The following HS3ST4 variants were observed in gnomAD, a reference collection of about 807,000 sequenced individuals.
HS3ST4 encodes heparan sulfate-glucosamine 3-sulfotransferase 4.
Under a neutral mutation model 29.2 loss-of-function variants are expected in HS3ST4, and 17 were observed. The observed-to-expected ratio is 0.58, with a 90% CI of 0.40 to 0.87. HS3ST4 has a LOEUF of 0.87. HS3ST4 is among the 40% of genes least tolerant of loss of function. HS3ST4 has a pLI of 0.00. For missense variants in HS3ST4, 627 were observed against 634.5 expected (o/e 0.99, Z 0.13); for synonymous variants, 314 against 285.7 (o/e 1.10, Z -1.00).
chr16:26,000,201 A>G (rs1428097705), intron 1 of HS3ST4, among the ~76,000 whole-genome samples: 1 of 151,992 alleles, frequency 6.6e-6, no homozygotes, highest in African/African-American at 2.4e-5. Flanking sequence ...AGCCCTGAAC[A>G]ATGAAGGCTT....
chr16:25,866,385 G>C (rs1173967955), intron 1 of HS3ST4, among the ~76,000 whole-genome samples: 1 of 152,092 alleles, frequency 6.6e-6, no homozygotes, highest in African/African-American at 2.4e-5. Flanking sequence ...ATTCACAATA[G>C]GAAAGACTTG....
intron 1 of HS3ST4, among the ~76,000 whole-genome samples, chr16:26,097,820 T>C (rs894119280): frequency 6.6e-6 from 1 of 152,174 alleles, no homozygotes; most frequent in Non-Finnish European, 1.5e-5. Flanking sequence ...GAGAAAATGT[T>C]TGCAATCTAC....
intron 1 of HS3ST4, among the ~76,000 whole-genome samples, chr16:25,967,367 G>A (rs999321359): frequency 6.6e-6 from 1 of 152,086 alleles, no homozygotes; most frequent in East Asian, 1.9e-4. Flanking sequence ...TGTTGGCCAG[G>A]ATGGTCTCAT....
At chr16:25,901,688 G>T (rs1442236283) in intron 1 of HS3ST4, among the ~76,000 whole-genome samples, 1 of 55,104 alleles carries the variant, frequency 1.8e-5, no homozygotes, top group African/African-American at 8.0e-5. Flanking sequence ...GAAAAAAAAT[G>T]CTCTCTCATC....
rs1898294327 is a variant in HS3ST4 at position 26,137,093 on chromosome 16, G to C, written c.*845G>C. On this transcript the variant is annotated 3_prime_UTR_variant, in exon 2 of 2. Transcript: ENST00000331351. ...TCAGAGCTCTGGGGTTGGCAGAGAT[G>C]AGTGGCCATATCTGGGGGTAAAAGA... 1 of 152,124 alleles carries C rather than the reference G, an allele frequency of 6.6e-6. No homozygotes were observed. Among genetic ancestry groups the C allele is most frequent in the Non-Finnish European group, 1.5e-5 (1 of 68,126 alleles). The allele number at this position is 152,124 out of a possible 1,614,324, so 9.4% of individuals were successfully genotyped here. A position where few individuals can be genotyped will look rare whatever the true frequency, so the allele number is the denominator to read the frequency against.
chr16:26,117,701 C>T (rs1899218630), intron 1 of HS3ST4, among the ~76,000 whole-genome samples: 1 of 152,232 alleles, frequency 6.6e-6, no homozygotes, highest in South Asian at 2.1e-4. Context: ...CTGCTTAGCA[C>T]ACCCATCTGC....
rs1042498882 is a variant in HS3ST4 at position 26,109,640 on chromosome 16, A to G, written c.735-25972A>G. 2.0e-5 allele frequency among the ~76,000 whole-genome samples: 3 copies of G among 151,894 alleles called. No individual in the cohort carries two copies. In the South Asian group the frequency reaches 6.2e-4, roughly 32 times the overall value. ...CTTGGATCGTTTCTCATCCCTGTAT[A>G]CACTGCAGTGTACACGGTCTTATAT... On this transcript the variant is annotated intron_variant, in intron 1 of 1. Coordinates refer to ENST00000331351, the MANE Select transcript of HS3ST4 (RefSeq NM_006040.3).
At chr16:26,085,990 CA>C (rs1412081141) in intron 1 of HS3ST4, among the ~76,000 whole-genome samples, 1 of 152,088 alleles carries the variant, frequency 6.6e-6, no homozygotes, top group Non-Finnish European at 1.5e-5. Flanking sequence ...CCAACATGGA[CA>C]CATCAACTCA....
At chr16:26,058,220 A>G (rs536150327) in intron 1 of HS3ST4, among the ~76,000 whole-genome samples, 1 of 152,322 alleles carries the variant, frequency 6.6e-6, no homozygotes, top group South Asian at 2.1e-4. Flanking sequence ...TGTTGGAGAA[A>G]GGGGCTGAGC....
At chr16:26,046,138 A>T (rs931247149) in intron 1 of HS3ST4, among the ~76,000 whole-genome samples, 2 of 148,132 alleles carry the variant, frequency 1.4e-5, no homozygotes, top group African/African-American at 2.5e-5. Context: ...TCATGTAAGG[A>T]CAGGAAATTT....
rs186148536 is a variant in HS3ST4, at chr16:25,837,715, T to A, written c.734+144564T>A. ...AAATGCACTGACAGGTCTCACTCTT[T>A]AAAAAAAAAATCCTGTTGCATATTA... On this transcript the variant is annotated intron_variant, in intron 1 of 1. Transcript: ENST00000331351. 4.5e-3 allele frequency among the ~76,000 whole-genome samples: 678 copies of A among 150,496 alleles called. 4 individuals carry two copies. Among genetic ancestry groups the A allele is most frequent in the African/African-American group, 0.016 (648 of 41,166 alleles).
chr16:26,034,974 C>T (rs1257877891), intron 1 of HS3ST4, among the ~76,000 whole-genome samples: 1 of 152,042 alleles, frequency 6.6e-6, no homozygotes, highest in Non-Finnish European at 1.5e-5. Flanking sequence ...AGAGTGAGAT[C>T]CCATCTGAAA....
chr16:26,009,019 C>T (rs779075467), intron 1 of HS3ST4, among the ~76,000 whole-genome samples: 45 of 152,194 alleles, frequency 3.0e-4, no homozygotes, highest in Admixed American at 1.6e-3. Flanking sequence ...CTCATCAGAG[C>T]GACACAGGCC....
In HS3ST4 at chr16:25,900,126, T is replaced by A. The variant is rs1968107869; in HGVS notation, c.734+206975T>A. On this transcript the variant is annotated intron_variant, in intron 1 of 1. Coordinates refer to ENST00000331351, the MANE Select transcript of HS3ST4 (RefSeq NM_006040.3). ...CATTCCTTACTGGATTTTGTGTAAT[T>A]TTAAGATAGGTGTGTAACGTTTATC... Among the ~76,000 whole-genome samples the A allele has an allele frequency of 2.6e-5, 4 of 152,368 alleles. No individual in the cohort carries two copies. In the South Asian group the frequency reaches 8.3e-4, roughly 32 times the overall value.
intron 1 of HS3ST4, among the ~76,000 whole-genome samples, chr16:26,006,300 GAAAAA>G (rs11461863): frequency 2.2e-4 from 15 of 68,664 alleles, no homozygotes; most frequent in African/African-American, 6.1e-4. Flanking sequence ...CTCTGTTTCA[GAAAAA>G]AAAAAAAAAA....
intron 1 of HS3ST4, among the ~76,000 whole-genome samples, chr16:26,028,268 G>T (rs1162251738): frequency 9.9e-6 from 1 of 100,622 alleles, no homozygotes; most frequent in Admixed American, 1.4e-4. Flanking sequence ...GTGAGACACC[G>T]TCTCAAAAAA....
At chr16:25,792,327 A>G (rs916184764) in intron 1 of HS3ST4, among the ~76,000 whole-genome samples, 1 of 151,930 alleles carries the variant, frequency 6.6e-6, no homozygotes, top group Non-Finnish European at 1.5e-5. Context: ...GATGGGAAAT[A>G]TTCCTGTTAT....
At chr16:25,974,220 T>C (rs1038489819) in intron 1 of HS3ST4, among the ~76,000 whole-genome samples, 2 of 152,238 alleles carry the variant, frequency 1.3e-5, no homozygotes, top group Non-Finnish European at 2.9e-5. Context: ...TTTTATCAGC[T>C]ATCAAGCCAT....
chr16:25,692,676 AC>A lies in HS3ST4; in HGVS notation c.264del (p.Val89CysfsTer61). 2 of 1,247,782 alleles carry A rather than the reference AC, an allele frequency of 1.6e-6. No individual in the cohort carries two copies. The highest frequency in any genetic ancestry group is 2.7e-5 in the South Asian group (1 of 36,744). 77.3% of individuals were successfully genotyped at this position (1,247,782 alleles called of 1,614,324 possible). A position where few individuals can be genotyped will look rare whatever the true frequency, so the allele number is the denominator to read the frequency against. On this transcript the variant is annotated frameshift_variant, in exon 1 of 2. Transcript: ENST00000331351. LOFTEE classifies it high-confidence loss of function. ...CCCGCCGCCACCCTCTCTGCTGCCT[AC>A]CCCCGTGCGCCTCGGCGCCCCCTCG... is the stretch of plus-strand genomic sequence containing the variant. Reference protein sequence around the residue: ...PSPPPPSLLPTPVRLGAPSQP... With the variant: ...PSPPPPSLLPXPVRLGAPSQP...
Sources: gnomAD v4.1 joint callset for allele counts (sites outside exome capture counted in the v4.1 genomes callset) on GRCh38, gnomAD v4.1.1 for gene constraint, MANE v1.5 for transcripts, NCBI Gene and HGNC (gene_info 2026-07-23, HGNC 2026-07-21) for gene names.